Variants in ELP3 observed in about 807,000 individuals in gnomAD.
ELP3 encodes elongator complex protein 3.
A neutral mutation model predicts 74.9 loss-of-function variants in ELP3; 56 were observed. The observed-to-expected ratio is 0.75, with a 90% confidence interval of 0.60 to 0.93. ELP3 has a LOEUF of 0.93. ELP3 is among the 40% of genes least tolerant of loss of function. ELP3 has a pLI of 0.00. For synonymous variants in ELP3, 222 were observed against 239.8 expected (o/e 0.93, Z 0.68); for missense variants, 573 against 686.5 (o/e 0.83, Z 1.85).
intron 7 of ELP3, among the ~76,000 whole-genome samples, chr8:28,127,213 T>C (rs559454097): frequency 8.5e-5 from 13 of 152,322 alleles, no homozygotes; most frequent in African/African-American, 2.4e-4. Context: ...CTGTATGTCC[T>C]TGGTGGGGCC....
At chr8:28,102,201 C>T (rs755918185) in intron 3 of ELP3, among the ~76,000 whole-genome samples, 5 of 152,170 alleles carry the variant, frequency 3.3e-5, no homozygotes, top group Non-Finnish European at 7.3e-5. Flanking sequence ...GCTTCAGACT[C>T]CTGTCAGATT....
chr8:28,090,478 G>GT (rs1554492409), upstream of ELP3: 2 of 227,204 alleles, frequency 8.8e-6, no homozygotes, highest in Non-Finnish European at 1.7e-5. Flanking sequence ...TAGTCTGATG[G>GT]GTGGGTGTGT....
intron 10 of ELP3, among the ~76,000 whole-genome samples, chr8:28,152,571 C>T (rs551981911): frequency 4.6e-5 from 7 of 152,112 alleles, no homozygotes; most frequent in African/African-American, 1.2e-4. Context: ...TTTGGGAGGC[C>T]GAGGCAGGTG....
chr8:28,171,352 C>CT (rs35043302), intron 14 of ELP3, among the ~76,000 whole-genome samples: 75 of 148,982 alleles, frequency 5.0e-4, no homozygotes, highest in Admixed American at 7.3e-4. Context: ...TGAGATTTTT[C>CT]TTTTTTTTTT....
intron 3 of ELP3, among the ~76,000 whole-genome samples, chr8:28,101,890 G>A (rs899893991): frequency 6.6e-5 from 10 of 152,004 alleles, no homozygotes; most frequent in African/African-American, 1.4e-4. Flanking sequence ...GTGCCTGGCC[G>A]ACTTTTTAGA....
intron 7 of ELP3, among the ~76,000 whole-genome samples, chr8:28,127,292 G>C (rs952763575): frequency 2.6e-5 from 4 of 152,072 alleles, no homozygotes; most frequent in African/African-American, 9.7e-5. Flanking sequence ...TCCCATTTGT[G>C]CAATTGCCTC....
intron 14 of ELP3, among the ~76,000 whole-genome samples, chr8:28,177,879 A>G (rs777077001): frequency 9.9e-5 from 15 of 152,252 alleles, no homozygotes; most frequent in Non-Finnish European, 1.8e-4. Flanking sequence ...TACTTGATCA[A>G]TTAAACTTAT....
Position 28,163,136 on chromosome 8 carries a change from CA to C in ELP3, c.1567+1059del, listed in dbSNP as rs546737187. On this transcript the variant is annotated intron_variant, in intron 14 of 14. Transcript: ENST00000256398. ...GCATGAAAAGGAAAATTCAGTACAGCATGTGTGAGTGGAGCAAAAAATGACG... is the reference window on the plus strand; with the variant it reads ...GCATGAAAAGGAAAATTCAGTACAGCTGTGTGAGTGGAGCAAAAAATGACG... Among the ~76,000 whole-genome samples the C allele has an allele frequency of 3.3e-5, 5 of 152,300 alleles. No individual in the cohort carries two copies. In the East Asian group the frequency reaches 9.6e-4, roughly 29 times the overall value.
chr8:28,107,020 A>T (rs1486903770), intron 4 of ELP3, among the ~76,000 whole-genome samples: 1 of 152,206 alleles, frequency 6.6e-6, no homozygotes, highest in Non-Finnish European at 1.5e-5. Flanking sequence ...AGGCTGAGGC[A>T]GGTGGATCAC....
upstream of ELP3, among the ~76,000 whole-genome samples, chr8:28,091,926 T>C (rs866200631): frequency 6.6e-6 from 1 of 152,180 alleles, no homozygotes; most frequent in African/African-American, 2.4e-5. Context: ...ACTCAGTAAA[T>C]CTGCCTTTTA....
At chr8:28,141,487 CT>C (rs1813235396) in intron 10 of ELP3, among the ~76,000 whole-genome samples, 1 of 152,176 alleles carries the variant, frequency 6.6e-6, no homozygotes, top group African/African-American at 2.4e-5. Context: ...CTGTAAAGGA[CT>C]TTAATGGGAC....
intron 2 of ELP3, among the ~76,000 whole-genome samples, chr8:28,098,193 C>T (rs1415585405): frequency 1.3e-5 from 2 of 151,800 alleles, no homozygotes; most frequent in East Asian, 3.9e-4. Context: ...TGTCTTTCAT[C>T]TCTGCATCTA....
chr8:28,111,205 A>G (rs1013787866), intron 6 of ELP3, among the ~76,000 whole-genome samples: 8 of 152,208 alleles, frequency 5.3e-5, no homozygotes, highest in Admixed American at 1.3e-4. Flanking sequence ...ATAACTCTAA[A>G]TATCTATCAG....
intron 5 of ELP3, among the ~76,000 whole-genome samples, chr8:28,109,770 T>C (rs1209607879): frequency 2.6e-5 from 4 of 152,252 alleles, no homozygotes; most frequent in African/African-American, 7.2e-5. Context: ...TTTCCAGTTA[T>C]GGCATCATGT....
intron 8 of ELP3, among the ~76,000 whole-genome samples, chr8:28,129,951 CG>C (rs1459110692): frequency 6.6e-6 from 1 of 151,926 alleles, no homozygotes; most frequent in Non-Finnish European, 1.5e-5. Context: ...GGAGAGGACT[CG>C]GGGTTAGTAG....
intron 14 of ELP3, among the ~76,000 whole-genome samples, 163 bp from the exon 15 acceptor site, chr8:28,189,486 C>G: frequency 6.6e-6 from 1 of 152,100 alleles, no homozygotes; most frequent in Non-Finnish European, 1.5e-5. Flanking sequence ...TTAATGCAGC[C>G]TGAATTCAAA....
chr8:28,171,407 T>G (rs573139386), intron 14 of ELP3, among the ~76,000 whole-genome samples: 1 of 152,306 alleles, frequency 6.6e-6, no homozygotes, highest in East Asian at 1.9e-4. Flanking sequence ...TGTGGGAGGT[T>G]TGACTAATAT....
intron 10 of ELP3, among the ~76,000 whole-genome samples, chr8:28,148,620 G>C (rs1325993779): frequency 2.6e-5 from 4 of 152,166 alleles, no homozygotes; most frequent in Non-Finnish European, 1.5e-5. Flanking sequence ...TTTATTCCTA[G>C]TTTACTGAGA....
At chr8:28,163,304 A>G in intron 14 of ELP3, among the ~76,000 whole-genome samples, 1 of 152,220 alleles carries the variant, frequency 6.6e-6, no homozygotes, top group East Asian at 1.9e-4. Flanking sequence ...AGACTACTAC[A>G]TTCCTAAAGC....
Sources: gnomAD v4.1 joint callset for allele counts (sites outside exome capture counted in the v4.1 genomes callset) on GRCh38, gnomAD v4.1.1 for gene constraint, MANE v1.5 for transcripts, NCBI Gene and HGNC (gene_info 2026-07-23, HGNC 2026-07-21) for gene names.